The following PTPRD variants were observed in gnomAD, a reference collection of about 807,000 sequenced individuals.
The protein encoded by PTPRD is receptor-type tyrosine-protein phosphatase delta.
A neutral mutation model predicts 214.5 loss-of-function variants in PTPRD; 34 were observed. The observed-to-expected ratio is 0.16, with a 90% confidence interval of 0.12 to 0.21. The LOEUF (loss-of-function observed/expected upper bound fraction) is 0.21, where lower values mean the gene tolerates loss of function less well. Among genes scored for constraint, PTPRD ranks in the 10% least tolerant of loss-of-function variants. PTPRD has a pLI of 1.00. For synonymous variants in PTPRD, 1,128 were observed against 845.7 expected, an observed-to-expected ratio of 1.33 and a Z score of -5.79; for missense variants, 2,545 against 2,398.7, an observed-to-expected ratio of 1.06 and a Z score of -1.27.
At chr9:9,621,789 T>C (rs2095249941) in intron 7 of PTPRD, among the ~76,000 whole-genome samples, 1 of 152,192 alleles carries the variant, frequency 6.6e-6, no homozygotes, top group South Asian at 2.1e-4. Flanking sequence ...AGCCGGCAGC[T>C]CTGTGTGGAT....
intron 35 of PTPRD, among the ~76,000 whole-genome samples, chr9:8,424,634 A>C (rs370102996): frequency 1.3e-5 from 2 of 150,924 alleles, no homozygotes; most frequent in Admixed American, 6.7e-5. Flanking sequence ...TACTAAAAAA[A>C]TGATATAAAA....
intron 11 of PTPRD, among the ~76,000 whole-genome samples, chr9:8,950,720 A>G (rs1309853859): frequency 7.0e-6 from 1 of 143,478 alleles, no homozygotes; most frequent in Non-Finnish European, 1.5e-5. Context: ...TTTTTTTTTT[A>G]AATAGAGCTT....
At chr9:8,438,318 G>T (rs755718953) in intron 34 of PTPRD, among the ~76,000 whole-genome samples, 1 of 152,172 alleles carries the variant, frequency 6.6e-6, no homozygotes, top group African/African-American at 2.4e-5. Flanking sequence ...TGTGAATTGT[G>T]GTGGTTTAGT....
chr9:9,606,697 G>A (rs969584875), intron 7 of PTPRD, among the ~76,000 whole-genome samples: 1 of 151,768 alleles, frequency 6.6e-6, no homozygotes, highest in African/African-American at 2.4e-5. Context: ...CCAACCACCA[G>A]GGGGTAATAG....
chr9:8,572,956 A>T (rs548724697), intron 14 of PTPRD, among the ~76,000 whole-genome samples: 1 of 152,048 alleles, frequency 6.6e-6, no homozygotes, highest in Non-Finnish European at 1.5e-5. Flanking sequence ...CGTTGTTGAT[A>T]TATTTTAACT....
At chr9:10,221,353 A>C (rs1426406639) in intron 3 of PTPRD, among the ~76,000 whole-genome samples, 1 of 152,040 alleles carries the variant, frequency 6.6e-6, no homozygotes, top group Non-Finnish European at 1.5e-5. Flanking sequence ...TATCATTTTT[A>C]TATGATATGG....
chr9:8,859,932 C>T (rs1415317462), intron 11 of PTPRD: 14 of 151,978 alleles, frequency 9.2e-5, no homozygotes, highest in Non-Finnish European at 2.1e-4. Flanking sequence ...CGAGGTTTAC[C>T]CTCCAATCAT....
At position 8,636,757 on chromosome 9, in the gene PTPRD, G is replaced by A. The variant is rs2154328056; in HGVS notation, c.152C>T (p.Pro51Leu). 6.2e-7 allele frequency: 1 copy of A among 1,614,066 alleles called. No individual in the cohort carries two copies. Residue 51 changes from proline (P) to leucine (L), a missense_variant, in exon 13 of 46, where the codon CCA becomes CTA. Coordinates refer to ENST00000381196, the MANE Select transcript of PTPRD (RefSeq NM_002839.4). The part of the protein sequence containing the change: ...ASFICQATGD[P>L]RPKIVWNKKG... ...TTTGTTCCAGACAATTTTAGGTCTTGGGTCTCCCGTAGCTTGGCAGATGAA... is the reference window on the plus strand; with the variant it reads ...TTTGTTCCAGACAATTTTAGGTCTTAGGTCTCCCGTAGCTTGGCAGATGAA...
At chr9:9,680,682 A>C (rs766589055) in intron 7 of PTPRD, among the ~76,000 whole-genome samples, 1 of 151,426 alleles carries the variant, frequency 6.6e-6, no homozygotes, top group Admixed American at 6.6e-5. Flanking sequence ...AAGTACCTTG[A>C]CTCCCTCCCA....
chr9:10,174,453 C>G (rs1488607712), intron 3 of PTPRD, among the ~76,000 whole-genome samples: 1 of 151,956 alleles, frequency 6.6e-6, no homozygotes, highest in Non-Finnish European at 1.5e-5. Context: ...AAATAGGGGC[C>G]CAATTTTTAA....
At chr9:10,535,937 C>T (rs971296384) in intron 2 of PTPRD, among the ~76,000 whole-genome samples, 2 of 152,062 alleles carry the variant, frequency 1.3e-5, no homozygotes, top group Non-Finnish European at 2.9e-5. Context: ...TCTTAATACT[C>T]GACAAAACAG....
chr9:8,760,250 C>T (rs1371198171), intron 11 of PTPRD, among the ~76,000 whole-genome samples: 1 of 150,978 alleles, frequency 6.6e-6, no homozygotes, highest in Non-Finnish European at 1.5e-5. Flanking sequence ...ATTTTAAATA[C>T]ACACAGATAC....
chr9:10,425,030 A>G (rs2098599375), intron 2 of PTPRD, among the ~76,000 whole-genome samples: 1 of 152,024 alleles, frequency 6.6e-6, no homozygotes, highest in Non-Finnish European at 1.5e-5. Flanking sequence ...AAAATAGAGT[A>G]CCTATATATA....
intron 2 of PTPRD, among the ~76,000 whole-genome samples, chr9:10,410,473 T>G (rs1412574269): frequency 2.0e-5 from 3 of 151,272 alleles, no homozygotes; most frequent in Admixed American, 6.6e-5. Context: ...TATACTTTAA[T>G]TACACTTATC....
chr9:9,548,397 C>A (rs904791869), intron 8 of PTPRD, among the ~76,000 whole-genome samples: 17 of 134,636 alleles, frequency 1.3e-4, no homozygotes, highest in Non-Finnish European at 1.8e-4. Context: ...GTATATGTGA[C>A]TTTTTTTCTT....
intron 3 of PTPRD, among the ~76,000 whole-genome samples, chr9:10,138,703 A>T (rs2098960168): frequency 6.6e-6 from 1 of 152,176 alleles, no homozygotes; most frequent in South Asian, 2.1e-4. Context: ...TTAGTTCACA[A>T]TGACCAAATA....
intron 2 of PTPRD, among the ~76,000 whole-genome samples, chr9:10,379,220 ATTTG>A (rs1394867849): frequency 3.1e-4 from 47 of 151,272 alleles, no homozygotes; most frequent in African/African-American, 1.1e-3. Context: ...AATTTAAAGG[ATTTG>A]TTTGTTAGTT....
At chr9:8,567,450 G>A (rs2154220290) in intron 14 of PTPRD, among the ~76,000 whole-genome samples, 1 of 152,260 alleles carries the variant, frequency 6.6e-6, no homozygotes, top group East Asian at 1.9e-4. Flanking sequence ...ATGGGCACAT[G>A]TCCTTCTTCA....
chr9:9,864,587 T>C (rs1326261494), intron 5 of PTPRD, among the ~76,000 whole-genome samples: 2 of 152,140 alleles, frequency 1.3e-5, no homozygotes, highest in African/African-American at 4.8e-5. Context: ...GGCATGAACA[T>C]GGCTCACTGC....
Sources: allele counts gnomAD v4.1 joint callset (sites outside exome capture counted in the v4.1 genomes callset), GRCh38; gene constraint gnomAD v4.1.1; transcripts MANE v1.5; gene names NCBI Gene and HGNC (gene_info 2026-07-23, HGNC 2026-07-21).